The following IMMP2L variants were observed in gnomAD, a reference collection of about 807,000 sequenced individuals.
IMMP2L encodes inner mitochondrial membrane peptidase subunit 2.
In IMMP2L, 18 loss-of-function variants were observed where a neutral mutation model predicts 19.3. The observed-to-expected ratio is 0.93, with a 90% CI of 0.64 to 1.38. IMMP2L has a LOEUF of 1.38. Ranked by LOEUF, IMMP2L falls within the 40% of genes most tolerant of loss-of-function variation. The pLI is 0.00. For synonymous variants in IMMP2L, 76 were observed against 73.0 expected (o/e 1.04, Z -0.21); for missense variants, 233 against 218.2 (o/e 1.07, Z -0.43).
intron 3 of IMMP2L, among the ~76,000 whole-genome samples, chr7:111,146,051 T>G (rs2129600531): frequency 6.6e-6 from 1 of 152,188 alleles, no homozygotes; most frequent in East Asian, 1.9e-4. Flanking sequence ...AGGTTAAAAA[T>G]GAATTCAGAG....
chr7:111,500,272 T>G (rs1844061227), intron 2 of IMMP2L, among the ~76,000 whole-genome samples: 1 of 152,158 alleles, frequency 6.6e-6, no homozygotes, highest in South Asian at 2.1e-4. Context: ...GCGCCTGCCA[T>G]TGCCGAGGCT....
At chr7:111,378,761 T>G (rs1238982719) in intron 3 of IMMP2L, among the ~76,000 whole-genome samples, 1 of 151,944 alleles carries the variant, frequency 6.6e-6, no homozygotes, top group African/African-American at 2.4e-5. Context: ...AAAGACTTAT[T>G]AAACTTGAGA....
intron 3 of IMMP2L, among the ~76,000 whole-genome samples, chr7:111,262,008 T>G (rs1278647257): frequency 2.0e-5 from 3 of 152,014 alleles, no homozygotes; most frequent in Non-Finnish European, 4.4e-5. Context: ...GAGATGACAG[T>G]GGAAATTTAA....
intron 3 of IMMP2L, among the ~76,000 whole-genome samples, chr7:111,194,366 T>C (rs982617053): frequency 2.6e-5 from 4 of 152,170 alleles, no homozygotes; most frequent in African/African-American, 9.7e-5. Flanking sequence ...TTTAGTCATG[T>C]CAACACTCAT....
intron 3 of IMMP2L, among the ~76,000 whole-genome samples, chr7:111,421,062 G>A (rs1262913187): frequency 6.6e-6 from 1 of 151,650 alleles, no homozygotes; most frequent in Admixed American, 6.6e-5. Context: ...ATCCTCTCCA[G>A]CATCTGTTGT....
chr7:111,282,077 T>C (rs977682998), intron 3 of IMMP2L, among the ~76,000 whole-genome samples: 6 of 152,186 alleles, frequency 3.9e-5, no homozygotes, highest in African/African-American at 7.2e-5. Context: ...ATTTCAAGCA[T>C]TGTGCTAGGT....
chr7:111,071,931 C>G (rs1794988190), intron 3 of IMMP2L, among the ~76,000 whole-genome samples: 1 of 151,916 alleles, frequency 6.6e-6, no homozygotes, highest in South Asian at 2.1e-4. Context: ...TACAAATTTT[C>G]ATAAAGTTCC....
At chr7:111,525,891 G>A (rs1427927592) in intron 1 of IMMP2L, among the ~76,000 whole-genome samples, 1 of 151,986 alleles carries the variant, frequency 6.6e-6, no homozygotes, top group East Asian at 1.9e-4. Context: ...CAATGGATGA[G>A]CATTAAAAGG....
intron 1 of IMMP2L, among the ~76,000 whole-genome samples, chr7:111,539,526 A>G (rs1331008189): frequency 2.0e-5 from 3 of 151,988 alleles, no homozygotes; most frequent in Non-Finnish European, 1.5e-5. Flanking sequence ...TCTGTGCTTC[A>G]TGGTCTCCTA....
At chr7:110,962,908 C>T in intron 4 of IMMP2L, 2 of 1,374,622 alleles carry the variant, frequency 1.5e-6, no homozygotes, top group Non-Finnish European at 1.9e-6. Context: ...ACACATCATG[C>T]CACACAGTAT....
chr7:111,388,108 A>G (rs1316745676), intron 3 of IMMP2L, among the ~76,000 whole-genome samples: 2 of 151,946 alleles, frequency 1.3e-5, no homozygotes, highest in Non-Finnish European at 2.9e-5. Context: ...ACAGCCCTTT[A>G]TATCTAAAAG....
rs908573355 is a variant in IMMP2L, at chr7:110,728,530, A to G, written c.409-64809T>C. Among the ~76,000 whole-genome samples the G allele has an allele frequency of 1.3e-5, 2 of 152,100 alleles. No homozygotes were observed. Among genetic ancestry groups the G allele is most frequent in the Admixed American group, 6.6e-5 (1 of 15,262 alleles). ...ATAAATAAAATAAAATAAAATAACA[A>G]TATTAAAGGCCCCTTTTGACCCACC... On this transcript the variant is annotated intron_variant, in intron 5 of 5. Transcript: ENST00000405709. The surrounding 1 kb of genome is among the most constrained non-coding windows in gnomAD (Gnocchi z 4.6).
intron 3 of IMMP2L, among the ~76,000 whole-genome samples, chr7:111,140,414 C>T (rs1198135839): frequency 1.3e-5 from 2 of 152,126 alleles, no homozygotes; most frequent in East Asian, 1.9e-4. Context: ...CCAGGTGCAT[C>T]AATACTGGAT....
intron 5 of IMMP2L, among the ~76,000 whole-genome samples, chr7:110,832,289 A>AC (rs1804045411): frequency 6.6e-6 from 1 of 150,708 alleles, no homozygotes; most frequent in South Asian, 2.1e-4. Context: ...AAACAAAAAA[A>AC]CCCTACTCTG....
chr7:111,284,243 T>C (rs534298932), intron 3 of IMMP2L, among the ~76,000 whole-genome samples: 46 of 152,290 alleles, frequency 3.0e-4, no homozygotes, highest in African/African-American at 1.1e-3. Flanking sequence ...ACTGAAGAAC[T>C]GTTCTTTTGT....
intron 5 of IMMP2L, among the ~76,000 whole-genome samples, chr7:110,690,901 C>T (rs1399715724): frequency 6.6e-6 from 1 of 151,968 alleles, no homozygotes; most frequent in Admixed American, 6.6e-5. Flanking sequence ...CTGCCCAAAG[C>T]AATCTACAGA....
intron 5 of IMMP2L, among the ~76,000 whole-genome samples, chr7:110,680,910 C>T (rs1462482608): frequency 2.0e-5 from 3 of 152,100 alleles, no homozygotes; most frequent in Non-Finnish European, 2.9e-5. Flanking sequence ...TCGCCATCCT[C>T]CCTGCCTTGC....
intron 4 of IMMP2L, chr7:110,962,627 T>A (rs1206733651): frequency 8.0e-6 from 5 of 624,296 alleles, no homozygotes; most frequent in Non-Finnish European, 1.0e-5. Context: ...AGGAAAGTAG[T>A]TTTAATCTCA....
intron 3 of IMMP2L, among the ~76,000 whole-genome samples, chr7:111,361,495 A>G (rs540044105): frequency 9.2e-5 from 14 of 152,292 alleles, no homozygotes; most frequent in African/African-American, 3.4e-4. Flanking sequence ...TTGCAGCATA[A>G]CTGAGTATTC....
Sources: allele counts gnomAD v4.1 joint callset (sites outside exome capture counted in the v4.1 genomes callset), GRCh38; gene constraint gnomAD v4.1.1; non-coding constraint Gnocchi (gnomAD v3.1); transcripts MANE v1.5; gene names NCBI Gene and HGNC (gene_info 2026-07-23, HGNC 2026-07-21).